Variants in SYT7 observed in about 807,000 individuals in gnomAD.
SYT7 encodes synaptotagmin 7, also known as synaptotagmin-7.
SYT7 carries 29 observed loss-of-function variants against 75.1 expected under a neutral mutation model. The ratio of observed to expected loss-of-function variants is 0.39; its 90% CI spans 0.29 to 0.53. The LOEUF (loss-of-function observed/expected upper bound fraction) is 0.53. Among genes scored for constraint, SYT7 ranks in the 20% least tolerant of loss-of-function variants. SYT7 has a pLI of 0.77. For synonymous variants in SYT7, 376 were observed against 401.7 expected (o/e 0.94, Z 0.76); for missense variants, 693 against 953.2 (o/e 0.73, Z 3.59).
At chr11:61,588,014 G>A in the SYT7 span, among the ~76,000 whole-genome samples, 1 of 152,216 alleles carries the variant, frequency 6.6e-6, no homozygotes, top group Non-Finnish European at 1.5e-5. Flanking sequence ...AGACCTTAGT[G>A]GGGGTGGGGC....
rs1418420125 is a variant in SYT7 at position 61,518,355 on chromosome 11, C to T, written c.*272G>A. 2.9e-6 allele frequency: 1 copy of T among 346,208 alleles called. No individual in the cohort carries two copies. The highest frequency in any genetic ancestry group is 5.2e-6 in the Non-Finnish European group (1 of 191,850). The allele number at this position is 346,208 out of a possible 1,614,324, so 21.4% of individuals were successfully genotyped here. A position where few individuals can be genotyped will look rare whatever the true frequency, so the allele number is the denominator to read the frequency against. The stretch of plus-strand genomic sequence containing the variant: ...GTCTGGCCGTCTGGCTCTCGAGCTC[C>T]CCCAACTTCTTTAGTATTAGTAAGT... On this transcript the variant is annotated 3_prime_UTR_variant, in exon 13 of 13. Transcript: ENST00000539008.
At position 61,515,582 on chromosome 11, in the gene SYT7, G is replaced by C. The variant is rs1401987350; in HGVS notation, c.*3045C>G. ...TTGCACTCAAGAACATACAAACAGT[G>C]GCCACCAATCCCCACCCCTGGGGCT... On this transcript the variant is annotated 3_prime_UTR_variant, in exon 13 of 13. Coordinates refer to ENST00000539008, the MANE Select transcript of SYT7 (RefSeq NM_001365809.2). 1.1e-4 allele frequency: 16 copies of C among 150,862 alleles called. No individual in the cohort carries two copies. Among genetic ancestry groups the C allele is most frequent in the Non-Finnish European group, 4.4e-5 (3 of 67,840 alleles). 9.3% of individuals were successfully genotyped at this position (150,862 alleles called of 1,614,324 possible). A position where few individuals can be genotyped will look rare whatever the true frequency, so the allele number is the denominator to read the frequency against.
At chr11:61,564,464 CT>C (rs2063715298) in intron 1 of SYT7, among the ~76,000 whole-genome samples, 1 of 152,234 alleles carries the variant, frequency 6.6e-6, no homozygotes, top group Admixed American at 6.5e-5. Context: ...TTCAGCACCC[CT>C]CTGAGGGTAA....
chr11:61,564,803 CTTT>C (rs2063724656), intron 1 of SYT7, among the ~76,000 whole-genome samples: 1 of 152,224 alleles, frequency 6.6e-6, no homozygotes. Flanking sequence ...ACACACACAC[CTTT>C]TCTGGGGCTC....
At chr11:61,548,131 G>A (rs2063244991) in intron 3 of SYT7, among the ~76,000 whole-genome samples, 1 of 152,210 alleles carries the variant, frequency 6.6e-6, no homozygotes, top group African/African-American at 2.4e-5. Flanking sequence ...TCCCCTGAAA[G>A]GGGAGCATTC....
rs2063420883 is a variant in SYT7 at position 61,553,930 on chromosome 11, C to T, written c.135+2174G>A. On this transcript the variant is annotated intron_variant, in intron 2 of 12. Coordinates refer to ENST00000539008, the MANE Select transcript of SYT7 (RefSeq NM_001365809.2). The surrounding 1 kb of genome is among the most constrained non-coding windows in gnomAD (Gnocchi z 5.2). ...CCCTTCCATGGAGCAAGGAGACAGC[C>T]TGATCAACGAGCTCCCTGGCTTCTG... Among the ~76,000 whole-genome samples, 3 of 152,100 alleles carry T rather than the reference C, an allele frequency of 2.0e-5. No individual in the cohort carries two copies. Among genetic ancestry groups the T allele is most frequent in the Admixed American group, 2.0e-4 (3 of 15,274 alleles).
chr11:61,532,151 G>C (rs1430063578), intron 8 of SYT7, among the ~76,000 whole-genome samples: 1 of 152,152 alleles, frequency 6.6e-6, no homozygotes. Flanking sequence ...CTACAGAAGG[G>C]AGGGGTTGAA....
rs188811304 is a variant in SYT7, at chr11:61,514,218, A to G, written c.*4409T>C. On this transcript the variant is annotated 3_prime_UTR_variant, in exon 13 of 13. Coordinates refer to ENST00000539008, the MANE Select transcript of SYT7 (RefSeq NM_001365809.2). ...TCTCTGACTTCAGGCTCAGTTTTCC[A>G]GGGCTGCTTTCATGGAGAGCGCCTG... 3.8e-4 allele frequency among the ~76,000 whole-genome samples: 58 copies of G among 152,326 alleles called. No homozygotes were observed. In the East Asian group the frequency reaches 6.4e-3, roughly 17 times the overall value.
In SYT7 at chr11:61,525,385, C is replaced by T. The variant is rs143559864; in HGVS notation, c.1472-853G>A. 6.2e-3 allele frequency among the ~76,000 whole-genome samples: 941 copies of T among 152,210 alleles called. 8 individuals carry two copies. The highest frequency in any genetic ancestry group is 9.9e-3 in the Non-Finnish European group (673 of 68,022). ...TGTCCTCTCCCTGCTTGGCTTGTGA[C>T]CTCTCTTCACTCAATGACTGGGCTC... On this transcript the variant is annotated intron_variant, in intron 9 of 12. Transcript: ENST00000539008.
At chr11:61,522,099 G>GCAT (rs1376226152) in intron 12 of SYT7, among the ~76,000 whole-genome samples, 1 of 151,820 alleles carries the variant, frequency 6.6e-6, no homozygotes, top group African/African-American at 2.4e-5. Flanking sequence ...TAAGGTAGAA[G>GCAT]CATGGAAGGG....
In SYT7 at chr11:61,528,100, T is replaced by C. The variant is rs2062581733; in HGVS notation, c.1286A>G (p.Asn429Ser). ...CACGGTGAGCGTGGACTCCTGGAAG[T>C]TGTAGCCGACACTGAACTGGATCCG... ...LGRIQFSVGYNFQESTLTVKI... is the reference protein window; with the variant it reads ...LGRIQFSVGYSFQESTLTVKI... Residue 429 changes from asparagine to serine, a missense_variant, in exon 9 of 13, where the codon AAC (asparagine) becomes AGC (serine). Physicochemically the swap from Asn to Ser is conservative, Grantham distance 46 (BLOSUM62 1). Transcript: ENST00000539008. 1.2e-6 allele frequency: 2 copies of C among 1,613,762 alleles called. No homozygotes were observed. The highest frequency in any genetic ancestry group is 2.2e-5 in the East Asian group (1 of 44,856).
At chr11:61,527,829 G>T in intron 9 of SYT7, 86 bp downstream of exon 9, 1 of 1,509,706 alleles carries the variant, frequency 6.6e-7, no homozygotes, top group Non-Finnish European at 9.0e-7. Context: ...ATATGTGTCT[G>T]TGCATGTGGC....
chr11:61,534,785 G>A (rs2062818847), intron 7 of SYT7, among the ~76,000 whole-genome samples: 1 of 151,608 alleles, frequency 6.6e-6, no homozygotes, highest in Non-Finnish European at 1.5e-5. Context: ...AGCGACACGC[G>A]GGCGCCCCTC....
chr11:61,535,769 A>C (rs934727529), intron 7 of SYT7, among the ~76,000 whole-genome samples: 1 of 152,166 alleles, frequency 6.6e-6, no homozygotes, highest in African/African-American at 2.4e-5. Context: ...AAGGGGGCTG[A>C]GTGTCCTCCC....
intron 8 of SYT7, among the ~76,000 whole-genome samples, 181 bp from the exon 9 acceptor site, chr11:61,528,366 A>G (rs1328713451): frequency 1.3e-5 from 2 of 151,966 alleles, no homozygotes; most frequent in Admixed American, 6.5e-5. Flanking sequence ...AGGGGAGGGG[A>G]AGGGGGAGGG....
Position 61,524,672 on chromosome 11 carries a change from T to C in SYT7, c.1472-140A>G, listed in dbSNP as rs2062457306. The C allele has an allele frequency of 6.8e-6, 5 of 732,652 alleles. No individual in the cohort carries two copies. The highest frequency in any genetic ancestry group is 1.1e-5 in the Non-Finnish European group (5 of 457,166). The allele number at this position is 732,652 out of a possible 1,614,324, so 45.4% of individuals were successfully genotyped here. ...CCACCGGGCCAGCAGGCACACCGGA[T>C]TGCAATTAGACCTTACTGAAGTGCT... On this transcript the variant is annotated intron_variant, in intron 9 of 12. Coordinates refer to ENST00000539008, the MANE Select transcript of SYT7 (RefSeq NM_001365809.2). This position sits in a 1 kb window ranked among gnomAD's most constrained non-coding sequence, Gnocchi z 4.1.
intron 12 of SYT7, among the ~76,000 whole-genome samples, 169 bp downstream of exon 12, chr11:61,522,906 T>C (rs976513586): frequency 3.9e-5 from 6 of 152,154 alleles, no homozygotes; most frequent in Non-Finnish European, 8.8e-5. Flanking sequence ...GGGGGTCATC[T>C]CATCCCCTTA....
In SYT7 at chr11:61,523,285, G is replaced by C. The variant is rs1207030671; in HGVS notation, c.1757-11C>G. On this transcript the variant is annotated splice_polypyrimidine_tract_variant and intron_variant, in intron 11 of 12. Coordinates refer to ENST00000539008, the MANE Select transcript of SYT7 (RefSeq NM_001365809.2). The surrounding 1 kb of genome is among the most constrained non-coding windows in gnomAD (Gnocchi z 5.0). ...CCTTCACGTAGGGGTCTAGGGGAGG[G>C]AGTGGGGAAGGGTTAGAGGGACCGT... is the stretch of plus-strand genomic sequence containing the variant. 1.9e-6 allele frequency: 3 copies of C among 1,613,858 alleles called. No homozygotes were observed. The highest frequency in any genetic ancestry group is 3.3e-5 in the Admixed American group (2 of 60,028).
rs1057508394 is a variant in SYT7 at position 61,520,261 on chromosome 11, C to T, written c.1957-1530G>A. Among the ~76,000 whole-genome samples the T allele has an allele frequency of 7.9e-5, 12 of 151,692 alleles. No individual in the cohort carries two copies. In the East Asian group the frequency reaches 9.7e-4, roughly 12 times the overall value. On this transcript the variant is annotated intron_variant, in intron 12 of 12. Coordinates refer to ENST00000539008, the MANE Select transcript of SYT7 (RefSeq NM_001365809.2). The stretch of plus-strand genomic sequence containing the variant: ...CTCAGTGGAGGAGTACAGTGGCTGA[C>T]GCCCGTAATCCCAGCACTGTAGGAG...
Sources: allele counts gnomAD v4.1 joint callset (sites outside exome capture counted in the v4.1 genomes callset), GRCh38; gene constraint gnomAD v4.1.1; non-coding constraint Gnocchi (gnomAD v3.1); transcripts MANE v1.5; gene names NCBI Gene and HGNC (gene_info 2026-07-23, HGNC 2026-07-21).